Variants in MAP3K20 observed in about 807,000 individuals in gnomAD.
MAP3K20 encodes mitogen-activated protein kinase kinase kinase 20.
In MAP3K20, 40 loss-of-function variants were observed where a neutral mutation model predicts 85.7. The ratio of observed to expected loss-of-function variants is 0.47; its 90% CI spans 0.36 to 0.61. MAP3K20 has a LOEUF of 0.61. Among genes scored for constraint, MAP3K20 ranks in the 20% least tolerant of loss-of-function variants. The pLI is 0.00. For synonymous variants in MAP3K20, 325 were observed against 327.7 expected (o/e 0.99, Z 0.09); for missense variants, 817 against 961.7 (o/e 0.85, Z 1.99).
chr2:173,243,718 C>T (rs1684849513), intron 16 of MAP3K20, among the ~76,000 whole-genome samples: 1 of 152,144 alleles, frequency 6.6e-6, no homozygotes, highest in Non-Finnish European at 1.5e-5. Context: ...CCCGGGTTCA[C>T]GCCATTTTCC....
At chr2:173,221,076 G>A in intron 11 of MAP3K20, 1 of 1,308,520 alleles carries the variant, frequency 7.6e-7, no homozygotes, top group Non-Finnish European at 1.0e-6. Context: ...AACTAATTTT[G>A]TGGTATCTAT....
rs1423046855 is a variant in MAP3K20 at position 173,239,400 on chromosome 2, T to C, written c.1267-4T>C. 5.6e-6 allele frequency: 9 copies of C among 1,608,920 alleles called. No homozygotes were observed. The highest frequency in any genetic ancestry group is 7.6e-6 in the Non-Finnish European group (9 of 1,178,716). ...AATAATTGGTGCTTGGTTTCCTGTT[T>C]TAGGACTCAGGAGGTGAACCTGAAG... On this transcript the variant is annotated splice_region_variant and splice_polypyrimidine_tract_variant and intron_variant, in intron 15 of 19. Transcript: ENST00000375213.
chr2:173,254,280 T>G (rs1685109473), intron 16 of MAP3K20, among the ~76,000 whole-genome samples: 1 of 151,180 alleles, frequency 6.6e-6, no homozygotes, highest in Non-Finnish European at 1.5e-5. Flanking sequence ...CACAAAAAAT[T>G]AGCTGGGCGT....
At position 173,239,267 on chromosome 2, in the gene MAP3K20, G is replaced by T. The variant is rs116381687; in HGVS notation, c.1267-137G>T. ...CTGTTGGTTGATGTAATTAGAATTT[G>T]TAGCTTAATCCAAAATAACCAAAAG... On this transcript the variant is annotated intron_variant, in intron 15 of 19. Coordinates refer to ENST00000375213, the MANE Select transcript of MAP3K20 (RefSeq NM_016653.3). 3.2e-3 allele frequency: 2,065 copies of T among 649,094 alleles called. 30 individuals are homozygous for T. In the African/African-American group the frequency reaches 0.034, roughly 11 times the overall value. 40.2% of individuals were successfully genotyped at this position (649,094 alleles called of 1,614,324 possible).
chr2:173,135,339 A>G (rs1236063464), intron 2 of MAP3K20, among the ~76,000 whole-genome samples: 1 of 152,210 alleles, frequency 6.6e-6, no homozygotes, highest in Non-Finnish European at 1.5e-5. Flanking sequence ...AGTAATTGAC[A>G]TGTTAAAAGG....
At chr2:173,232,028 G>A (rs1488395429) in intron 12 of MAP3K20, among the ~76,000 whole-genome samples, 164 bp from the exon 13 acceptor site, 1 of 152,222 alleles carries the variant, frequency 6.6e-6, no homozygotes, top group Non-Finnish European at 1.5e-5. Context: ...CCATTTGAAA[G>A]CTTGAGGTTT....
At chr2:173,181,663 C>T (rs1408308364) in intron 3 of MAP3K20, among the ~76,000 whole-genome samples, 1 of 152,100 alleles carries the variant, frequency 6.6e-6, no homozygotes, top group African/African-American at 2.4e-5. Context: ...ACTGAATAAA[C>T]CAAATGTAGT....
In MAP3K20 at chr2:173,221,429, AAC is replaced by A. The variant is rs1455741981; in HGVS notation, c.987+4181_987+4182del. The A allele has an allele frequency of 1.9e-6, 3 of 1,614,138 alleles. No homozygotes were observed. In the Admixed American group the frequency reaches 5.0e-5, roughly 27 times the overall value. On this transcript the variant is annotated intron_variant, in intron 11 of 19. Transcript: ENST00000375213. Reference sequence around the variant, plus strand: ...ATCTAAGAGAAGGGGGAAGAAAGTCAACATGGCTCTGGGGTTCAGTGATTTTG... The same window carrying A: ...ATCTAAGAGAAGGGGGAAGAAAGTCAATGGCTCTGGGGTTCAGTGATTTTG...
intron 16 of MAP3K20, among the ~76,000 whole-genome samples, chr2:173,243,488 C>T (rs187368218): frequency 6.6e-6 from 1 of 152,194 alleles, no homozygotes; most frequent in African/African-American, 2.4e-5. Context: ...GAAAGACTTA[C>T]CTTGGAACAG....
chr2:173,246,747 T>C (rs1328278217), intron 16 of MAP3K20, among the ~76,000 whole-genome samples: 1 of 152,192 alleles, frequency 6.6e-6, no homozygotes, highest in Admixed American at 6.5e-5. Context: ...GGAAACCTGA[T>C]TGAAGCTGGG....
At chr2:173,221,557 C>A (rs74417392) in intron 11 of MAP3K20, 3 of 1,470,896 alleles carry the variant, frequency 2.0e-6, no homozygotes, top group Non-Finnish European at 2.7e-6. Context: ...AATAAAATCA[C>A]AAATGTTTGG....
At chr2:173,223,655 TA>T (rs1310986821) in intron 11 of MAP3K20, 4 of 985,368 alleles carry the variant, frequency 4.1e-6, no homozygotes, top group Non-Finnish European at 4.8e-6. Context: ...CTGGCCAGCT[TA>T]ACCTGGTCTG....
At chr2:173,224,475 T>C (rs1162909069) in intron 11 of MAP3K20, 1 of 985,324 alleles carries the variant, frequency 1.0e-6, no homozygotes, top group Admixed American at 6.1e-5. Context: ...GACTCTGTAC[T>C]GGACCTAACT....
chr2:173,117,435 C>T (rs1054925460), intron 2 of MAP3K20, among the ~76,000 whole-genome samples: 1 of 152,042 alleles, frequency 6.6e-6, no homozygotes, highest in Non-Finnish European at 1.5e-5. Flanking sequence ...TGCACCATCA[C>T]GCCTGGCTAA....
At chr2:173,140,699 C>G (rs1688946132) in intron 2 of MAP3K20, among the ~76,000 whole-genome samples, 2 of 152,142 alleles carry the variant, frequency 1.3e-5, no homozygotes, top group South Asian at 4.1e-4. Flanking sequence ...TACTATTCCC[C>G]CCATAAAAAT....
intron 2 of MAP3K20, among the ~76,000 whole-genome samples, chr2:173,104,479 G>A (rs531320329): frequency 1.3e-5 from 2 of 152,128 alleles, no homozygotes; most frequent in African/African-American, 4.8e-5. Context: ...TATACACAGT[G>A]TGGTATCCTG....
intron 3 of MAP3K20, among the ~76,000 whole-genome samples, chr2:173,177,565 G>GGCCTCCCGAGTAGCCACCAT (rs1302793839): frequency 1.3e-5 from 2 of 148,330 alleles, no homozygotes; most frequent in Non-Finnish European, 3.0e-5. Context: ...CTCCTGCCTC[G>GGCCTCCCGAGTAGCCACCAT]GCCTCCCGAG....
intron 2 of MAP3K20, among the ~76,000 whole-genome samples, chr2:173,147,767 A>G (rs1489240351): frequency 6.6e-6 from 1 of 151,998 alleles, no homozygotes; most frequent in African/African-American, 2.4e-5. Flanking sequence ...TTGTATTTTT[A>G]GTAGAGACAG....
chr2:173,080,043 A>G (rs939886861), intron 1 of MAP3K20, among the ~76,000 whole-genome samples: 1 of 152,228 alleles, frequency 6.6e-6, no homozygotes, highest in African/African-American at 2.4e-5. Flanking sequence ...TGGCAGCATA[A>G]TAAGTTTGTT....
Sources: allele counts gnomAD v4.1 joint callset (sites outside exome capture counted in the v4.1 genomes callset), GRCh38; gene constraint gnomAD v4.1.1; transcripts MANE v1.5; gene names NCBI Gene and HGNC (gene_info 2026-07-23, HGNC 2026-07-21).